REG3A: variants seen among roughly 807,000 people sequenced by gnomAD.
REG3A encodes regenerating islet-derived protein 3-alpha.
REG3A carries 15 observed loss-of-function variants against 20.5 expected under a neutral mutation model. The observed-to-expected ratio is 0.73, with a 90% CI of 0.49 to 1.12. The LOEUF (loss-of-function observed/expected upper bound fraction) is 1.12, where lower values mean the gene tolerates loss of function less well. Among genes scored for constraint, REG3A ranks in the 50% most tolerant of loss-of-function variants. The pLI is 0.00. For synonymous variants in REG3A, 93 were observed against 83.2 expected, an observed-to-expected ratio of 1.12 and a Z score of -0.64; for missense variants, 224 against 213.1, an observed-to-expected ratio of 1.05 and a Z score of -0.32.
rs374191223 is a variant in REG3A, at chr2:79,158,760, G to A, written c.86C>T (p.Pro29Leu). 1.2e-6 allele frequency: 2 copies of A among 1,613,046 alleles called. No individual in the cohort carries two copies. The highest frequency in any genetic ancestry group is 2.7e-5 in the African/African-American group (2 of 74,868). Reference protein sequence around the residue: ...MLLSQVQGEEPQRELPSARIR... With the variant: ...MLLSQVQGEELQRELPSARIR... ...CCGTGCAGAGGGCAGTTCCCTCTGG[G>A]GTTCTTCACCTGAGGTGGAAGAAGA... Residue 29 changes from proline to leucine, a missense_variant, in exon 3 of 6, where the codon CCC (proline) becomes CTC (leucine). Physicochemically the swap from Pro to Leu is moderately conservative, Grantham distance 98 (BLOSUM62 -3). Coordinates refer to ENST00000305165, the MANE Select transcript of REG3A (RefSeq NM_002580.3).
In REG3A at chr2:79,157,612, G is replaced by C; in HGVS notation, c.420C>G (p.Ile140Met). 1 of 1,614,214 alleles carries C rather than the reference G, an allele frequency of 6.2e-7. No homozygotes were observed. The highest frequency in any genetic ancestry group is 8.5e-7 in the Non-Finnish European group (1 of 1,180,030). The change falls in exon 5 of 6, where the codon ATC becomes ATG. Residue 140 changes from isoleucine (I) to methionine (M), a missense_variant. Physicochemically the swap from Ile to Met is conservative, Grantham distance 10 (BLOSUM62 1). Transcript: ENST00000305165. ...YFAWERNPST[I>M]SSPGHCASLS... The stretch of plus-strand genomic sequence containing the variant: ...GGCTCGCACAGTGGCCGGGGCTTGA[G>C]ATGGTGGAGGGATTTCTCTCCCATG...
chr2:79,157,880 C>A (rs974692647), intron 4 of REG3A, among the ~76,000 whole-genome samples, 182 bp from the exon 5 acceptor site: 2 of 152,132 alleles, frequency 1.3e-5, no homozygotes, highest in African/African-American at 4.8e-5. Flanking sequence ...AAATTCCAGC[C>A]AATAAACATA....
intron 2 of REG3A, 132 bp downstream of exon 2, chr2:79,159,198 G>C (rs976148917): frequency 3.3e-6 from 3 of 899,640 alleles, no homozygotes; most frequent in African/African-American, 3.3e-5. Flanking sequence ...AGGAAGGAGA[G>C]ATGATGCAAG....
At chr2:79,157,731 A>G (rs376993608) in intron 4 of REG3A, 33 bp from the exon 5 acceptor site, 3 of 1,605,370 alleles carry the variant, frequency 1.9e-6, no homozygotes. Flanking sequence ...AGGTGAAGGG[A>G]ATGGCCATTG....
chr2:79,157,347 A>G (rs914877165), intron 5 of REG3A, 54 bp from the exon 6 acceptor site: 3 of 1,550,476 alleles, frequency 1.9e-6, no homozygotes, highest in African/African-American at 1.4e-5. Flanking sequence ...TGTGAATCCA[A>G]TGAAGGGGCA....
At position 79,158,736 on chromosome 2, in the gene REG3A, C is replaced by A. The variant is rs138199548; in HGVS notation, c.110G>T (p.Arg37Leu). 6.2e-7 allele frequency: 1 copy of A among 1,613,850 alleles called. No homozygotes were observed. Among genetic ancestry groups the A allele is most frequent in the African/African-American group, 1.3e-5 (1 of 74,904 alleles). ...EEPQRELPSA[R>L]IRCPKGSKAY... The stretch of plus-strand genomic sequence containing the variant: ...CTTGGAGCCTTTGGGACAGCGGATC[C>A]GTGCAGAGGGCAGTTCCCTCTGGGG... Residue 37 changes from arginine to leucine, a missense_variant, in exon 3 of 6, where the codon CGG becomes CTG. By Grantham distance (102) the Arg-to-Leu change is moderately radical. Transcript: ENST00000305165.
At position 79,159,432 on chromosome 2, in the gene REG3A, A is replaced by G. The variant is rs375140321; in HGVS notation, c.-27T>C. On this transcript the variant is annotated 5_prime_UTR_variant, in exon 2 of 6. Transcript: ENST00000305165. ...GTGTCTGCGACTTGAGGAGGCAATC[A>G]GGAGTCACTAAAGAAAGCGTGGTCA... is the stretch of plus-strand genomic sequence containing the variant. 1.2e-6 allele frequency: 2 copies of G among 1,611,068 alleles called. No individual in the cohort carries two copies. Among genetic ancestry groups the G allele is most frequent in the African/African-American group, 1.3e-5 (1 of 74,794 alleles).
At chr2:79,157,476 G>T in intron 5 of REG3A, 96 bp downstream of exon 5, 1 of 1,543,030 alleles carries the variant, frequency 6.5e-7, no homozygotes, top group Non-Finnish European at 8.8e-7. Flanking sequence ...CACTAACATT[G>T]TATTTTCTAG....
At chr2:79,157,364 G>T in intron 5 of REG3A, 71 bp from the exon 6 acceptor site, 1 of 1,520,556 alleles carries the variant, frequency 6.6e-7, no homozygotes, top group Non-Finnish European at 9.1e-7. Flanking sequence ...GGCATCCCAG[G>T]TTTTAGCCTA....
chr2:79,158,459 G>A lies in REG3A; in HGVS notation c.200C>T (p.Ala67Val). 1 of 1,614,062 alleles carries A rather than the reference G, an allele frequency of 6.2e-7. No homozygotes were observed. The highest frequency in any genetic ancestry group is 8.5e-7 in the Non-Finnish European group (1 of 1,179,958). The change falls in exon 4 of 6, where the codon GCC becomes GTC. Residue 67 changes from alanine to valine, a missense_variant. Transcript: ENST00000305165. ...SPKSWTDADLACQKRPSGNLV... is the reference protein window; with the variant it reads ...SPKSWTDADLVCQKRPSGNLV... ...GTTTCCAGAGGGCCGCTTCTGGCAG[G>A]CCAGCTTTGAGGGCAACAAAGAGAA...
chr2:79,159,665 A>G (rs992597754), intron 1 of REG3A, 63 bp downstream of exon 1: 3 of 483,546 alleles, frequency 6.2e-6, no homozygotes, highest in Non-Finnish European at 1.1e-5. Flanking sequence ...CCTCCCATGT[A>G]TTCTCCTGTG....
Position 79,157,026 on chromosome 2 carries a change from G to T in REG3A, c.*200C>A. 1.7e-6 allele frequency: 1 copy of T among 588,366 alleles called. No homozygotes were observed. 36.4% of individuals were successfully genotyped at this position (588,366 alleles called of 1,614,324 possible). A position where few individuals can be genotyped will look rare whatever the true frequency, so the allele number is the denominator to read the frequency against. On this transcript the variant is annotated 3_prime_UTR_variant, in exon 6 of 6. Transcript: ENST00000305165. Reference sequence around the variant, plus strand: ...ACAAGTGCAGACTAAAAATTTTATTGCTCTTTAAAGCCTTAGGCCGTATGA... The same window carrying T: ...ACAAGTGCAGACTAAAAATTTTATTTCTCTTTAAAGCCTTAGGCCGTATGA...
At chr2:79,158,560 G>A (rs560963480) in intron 3 of REG3A, 91 bp downstream of exon 3, 19 of 1,602,678 alleles carry the variant, frequency 1.2e-5, no homozygotes, top group African/African-American at 6.7e-5. Flanking sequence ...AAAGATAAAC[G>A]TGTTCATCCT....
intron 4 of REG3A, 148 bp downstream of exon 4, chr2:79,158,178 T>C: frequency 1.1e-6 from 1 of 916,212 alleles, no homozygotes; most frequent in Non-Finnish European, 1.6e-6. Context: ...AGATGCTTCA[T>C]GGCCTTCCCT....
At position 79,157,150 on chromosome 2, in the gene REG3A, AG is replaced by A; in HGVS notation, c.*75del. The A allele has an allele frequency of 4.4e-6, 5 of 1,128,102 alleles. No individual in the cohort carries two copies. Among genetic ancestry groups the A allele is most frequent in the Middle Eastern group, 2.0e-4 (1 of 5,078 alleles). The allele number at this position is 1,128,102 out of a possible 1,614,324, so 69.9% of individuals were successfully genotyped here. A position where few individuals can be genotyped will look rare whatever the true frequency, so the allele number is the denominator to read the frequency against. ...GGGAATTAAGCGAATATTCTCTTCC[AG>A]GGTGAGTCCTCACACTGGTCTCATG... On this transcript the variant is annotated 3_prime_UTR_variant, in exon 6 of 6. Coordinates refer to ENST00000305165, the MANE Select transcript of REG3A (RefSeq NM_002580.3).
rs755152531 is a variant in REG3A, at chr2:79,157,355, G to A, written c.461-62C>T. On this transcript the variant is annotated intron_variant, in intron 5 of 5. Transcript: ENST00000305165. ...GGAAGCTTGTGAATCCAATGAAGGG[G>A]CATCCCAGGTTTTAGCCTAGAAGTT... 7 of 1,534,862 alleles carry A rather than the reference G, an allele frequency of 4.6e-6. No individual in the cohort carries two copies. In the East Asian group the frequency reaches 6.7e-5, roughly 15 times the overall value.
intron 4 of REG3A, 68 bp from the exon 5 acceptor site, chr2:79,157,766 G>A: frequency 6.4e-7 from 1 of 1,559,912 alleles, no homozygotes; most frequent in Non-Finnish European, 8.7e-7. Context: ...TGGCCCCTTA[G>A]CTGCAACACC....
At chr2:79,158,192 C>T in intron 4 of REG3A, 134 bp downstream of exon 4, 3 of 1,053,776 alleles carry the variant, frequency 2.8e-6, no homozygotes, top group Middle Eastern at 3.1e-4. Context: ...CTTCCCTTTC[C>T]CCCCAAATAT....
rs1436987651 is a variant in REG3A at position 79,157,771 on chromosome 2, A to G, written c.334-73T>C. 8.4e-6 allele frequency: 13 copies of G among 1,552,624 alleles called. No individual in the cohort carries two copies. In the Admixed American group the frequency reaches 9.4e-5, roughly 11 times the overall value. Reference sequence around the variant, plus strand: ...TCTTCTTGCATGGCCCCTTAGCTGCAACACCTGATTTGCTCCCCAGCATGA... The same window carrying G: ...TCTTCTTGCATGGCCCCTTAGCTGCGACACCTGATTTGCTCCCCAGCATGA... On this transcript the variant is annotated intron_variant, in intron 4 of 5. Coordinates refer to ENST00000305165, the MANE Select transcript of REG3A (RefSeq NM_002580.3).
Sources: allele counts gnomAD v4.1 joint callset (sites outside exome capture counted in the v4.1 genomes callset), GRCh38; gene constraint gnomAD v4.1.1; transcripts MANE v1.5; gene names NCBI Gene and HGNC (gene_info 2026-07-23, HGNC 2026-07-21).